NRXN3: variants seen among roughly 807,000 people sequenced by gnomAD.
NRXN3 encodes the protein neurexin III.
Under a neutral mutation model 137.6 loss-of-function variants are expected in NRXN3, and 32 were observed. The ratio of observed to expected loss-of-function variants is 0.23; its 90% CI spans 0.18 to 0.31. NRXN3 has a LOEUF of 0.31. Ranked by LOEUF, NRXN3 falls within the 10% of genes least tolerant of loss-of-function variation. The probability of loss-of-function intolerance (pLI) is 1.00; values close to 1 mark genes in which losing one functional copy is unlikely to be tolerated. For missense variants in NRXN3, 1,574 were observed against 2,062.5 expected, an observed-to-expected ratio of 0.76 and a Z score of 4.59; for synonymous variants, 798 against 784.5, an observed-to-expected ratio of 1.02 and a Z score of -0.29.
intron 15 of NRXN3, among the ~76,000 whole-genome samples, chr14:79,013,103 C>T (rs554918331): frequency 6.6e-6 from 1 of 152,210 alleles, no homozygotes; most frequent in East Asian, 1.9e-4. Context: ...TGGGACTTTT[C>T]AGCTTTGCCT....
intron 19 of NRXN3, among the ~76,000 whole-genome samples, chr14:79,777,552 A>G (rs2099100822): frequency 6.6e-6 from 1 of 152,004 alleles, no homozygotes; most frequent in African/African-American, 2.4e-5. Context: ...GATGAAGTGG[A>G]AAAGTATATC....
chr14:78,382,660 A>G (rs1377234619), intron 4 of NRXN3, among the ~76,000 whole-genome samples: 2 of 152,176 alleles, frequency 1.3e-5, no homozygotes, highest in African/African-American at 2.4e-5. Flanking sequence ...TGCCTTGCAG[A>G]TCCCGCTATC....
At chr14:79,146,989 A>G (rs2059357858) in intron 15 of NRXN3, among the ~76,000 whole-genome samples, 1 of 152,056 alleles carries the variant, frequency 6.6e-6, no homozygotes, top group Non-Finnish European at 1.5e-5. Flanking sequence ...TCTAATTAAG[A>G]GCAGAGTCTC....
At chr14:79,629,369 T>C (rs987341439) in intron 16 of NRXN3, among the ~76,000 whole-genome samples, 1 of 152,174 alleles carries the variant, frequency 6.6e-6, no homozygotes. Flanking sequence ...TCCCTTACAC[T>C]TGAATGACTT....
chr14:78,213,339 T>A (rs889693489), intron 1 of NRXN3, among the ~76,000 whole-genome samples: 1 of 152,096 alleles, frequency 6.6e-6, no homozygotes, highest in Admixed American at 6.5e-5. Flanking sequence ...CAAAACAGGA[T>A]TGATTAGACA....
In NRXN3 at chr14:78,181,945, C is replaced by T. The variant is rs115548695; in HGVS notation, c.-704+11271C>T. On this transcript the variant is annotated intron_variant, in intron 1 of 20. Transcript: ENST00000335750. ...CTATACCAGGTGCTGGGAATACAGCCACCATCAAGAGAGACGTTTAGTTTA... is the reference window on the plus strand; with the variant it reads ...CTATACCAGGTGCTGGGAATACAGCTACCATCAAGAGAGACGTTTAGTTTA... Among the ~76,000 whole-genome samples, 1,377 of 152,130 alleles carry T rather than the reference C, an allele frequency of 9.1e-3. 36 individuals carry two copies. In the East Asian group the frequency reaches 0.095, roughly 10 times the overall value.
intron 10 of NRXN3, among the ~76,000 whole-genome samples, chr14:78,914,801 GA>G (rs1281461516): frequency 6.6e-6 from 1 of 152,072 alleles, no homozygotes; most frequent in Non-Finnish European, 1.5e-5. Context: ...CTTCAGTTTT[GA>G]AAAGATCACC....
At chr14:79,806,689 A>G (rs910762038) in intron 20 of NRXN3, among the ~76,000 whole-genome samples, 6 of 150,096 alleles carry the variant, frequency 4.0e-5, no homozygotes, top group East Asian at 1.9e-4. Context: ...AGGATACAAT[A>G]TATCTCTAGA....
intron 16 of NRXN3, among the ~76,000 whole-genome samples, chr14:79,616,340 G>A (rs73327935): frequency 0.068 from 10,355 of 152,052 alleles, 1,182 homozygotes; most frequent in African/African-American, 0.24. Context: ...GCACAACTAG[G>A]TGATAGACAG....
Position 79,710,694 on chromosome 14 carries a change from T to TA in NRXN3, c.4014+12763dup, listed in dbSNP as rs533799874. Among the ~76,000 whole-genome samples the TA allele has an allele frequency of 2.2e-4, 34 of 152,160 alleles. No individual in the cohort carries two copies. In the East Asian group the frequency reaches 4.8e-3, roughly 22 times the overall value. ...ATTTTAGTTTGACTTTGAATTTCAT[T>TA]AAAAAATATTTGAGTTATTTGAGTG... On this transcript the variant is annotated intron_variant, in intron 19 of 20. Transcript: ENST00000335750.
At chr14:78,898,485 G>A (rs1473126095) in intron 10 of NRXN3, among the ~76,000 whole-genome samples, 2 of 151,592 alleles carry the variant, frequency 1.3e-5, no homozygotes, top group Non-Finnish European at 2.9e-5. Context: ...AAAGGAGACA[G>A]GAACCATTTA....
chr14:78,612,802 TCCC>T (rs923852418), intron 4 of NRXN3, among the ~76,000 whole-genome samples: 32 of 152,198 alleles, frequency 2.1e-4, no homozygotes, highest in African/African-American at 6.3e-4. Context: ...CTGGCAGCCA[TCCC>T]CAGTTTTAGC....
At chr14:79,560,504 C>CTTTTCTTTTTTTTT (rs536703528) in intron 16 of NRXN3, among the ~76,000 whole-genome samples, 10 of 43,766 alleles carry the variant, frequency 2.3e-4, no homozygotes, top group Admixed American at 4.2e-4. Flanking sequence ...AGATTGTAAG[C>CTTTTCTTTTTTTTT]TTTTTTTTTT....
intron 5 of NRXN3, among the ~76,000 whole-genome samples, chr14:78,645,716 G>T (rs2097680431): frequency 6.7e-6 from 1 of 149,696 alleles, no homozygotes; most frequent in Non-Finnish European, 1.5e-5. Context: ...GCTTTCCTTT[G>T]ATCATTTTCT....
At position 79,560,513 on chromosome 14, in the gene NRXN3, T is replaced by TTTTTTTTTTTG. The variant is rs2097484175; in HGVS notation, c.3444+93121_3444+93122insGTTTTTTTTTT. 1.7e-5 allele frequency among the ~76,000 whole-genome samples: 2 copies of TTTTTTTTTTTG among 120,504 alleles called. 1 individual carries two copies. The highest frequency in any genetic ancestry group is 3.5e-5 in the Non-Finnish European group (2 of 57,442). The allele number at this position is 120,504 out of a possible 152,430, so 79.1% of individuals were successfully genotyped here. On this transcript the variant is annotated intron_variant, in intron 16 of 20. Coordinates refer to ENST00000335750, the MANE Select transcript of NRXN3 (RefSeq NM_001330195.2). ...AGGACAAGATTGTAAGCTTTTTTTT[T>TTTTTTTTTTTG]TTTTTTTTTTTTTTTGAGATGGAGT...
intron 10 of NRXN3, among the ~76,000 whole-genome samples, chr14:78,837,065 CT>C (rs1458364399): frequency 6.6e-6 from 1 of 152,144 alleles, no homozygotes; most frequent in Admixed American, 6.6e-5. Flanking sequence ...AATTAAGAAA[CT>C]TTTGCCTGGG....
chr14:78,393,851 T>G (rs888387949), intron 4 of NRXN3, among the ~76,000 whole-genome samples: 5 of 152,014 alleles, frequency 3.3e-5, no homozygotes, highest in Non-Finnish European at 7.4e-5. Flanking sequence ...GTGCTTTAAG[T>G]TTTTGAGCAA....
chr14:79,476,996 T>C (rs2096565429), intron 16 of NRXN3, among the ~76,000 whole-genome samples: 1 of 152,088 alleles, frequency 6.6e-6, no homozygotes, highest in Non-Finnish European at 1.5e-5. Flanking sequence ...TTGTTGGAGA[T>C]GTGAAGAAAG....
chr14:79,848,089 G>A (rs1392193485), intron 20 of NRXN3, among the ~76,000 whole-genome samples: 2 of 152,130 alleles, frequency 1.3e-5, no homozygotes, highest in African/African-American at 2.4e-5. Context: ...CAAAAAAATA[G>A]CACATCTTTC....
Sources: gnomAD v4.1 joint callset for allele counts (sites outside exome capture counted in the v4.1 genomes callset) on GRCh38, gnomAD v4.1.1 for gene constraint, MANE v1.5 for transcripts, NCBI Gene and HGNC (gene_info 2026-07-23, HGNC 2026-07-21) for gene names.